The following PLPP1 variants were observed in gnomAD, a reference collection of about 807,000 sequenced individuals.
PLPP1 encodes lipid phosphate phosphohydrolase 1a.
PLPP1 carries 24 observed loss-of-function variants against 31.2 expected under a neutral mutation model. The ratio of observed to expected loss-of-function variants is 0.77; its 90% CI spans 0.56 to 1.08. The LOEUF is 1.08. PLPP1 is among the 50% of genes least tolerant of loss of function. PLPP1 has a pLI of 0.00. For missense variants in PLPP1, 319 were observed against 342.7 expected, an observed-to-expected ratio of 0.93 and a Z score of 0.55; for synonymous variants, 146 against 126.3, an observed-to-expected ratio of 1.16 and a Z score of -1.05.
chr5:55,506,583 C>T (rs1753284154), intron 1 of PLPP1, among the ~76,000 whole-genome samples: 1 of 152,132 alleles, frequency 6.6e-6, no homozygotes, highest in Non-Finnish European at 1.5e-5. Context: ...GTTGAAACCT[C>T]AGCAAAATGT....
At chr5:55,463,626 G>A (rs1169001015) in intron 3 of PLPP1, among the ~76,000 whole-genome samples, 1 of 151,566 alleles carries the variant, frequency 6.6e-6, no homozygotes, top group Non-Finnish European at 1.5e-5. Flanking sequence ...ACAGAGTGAG[G>A]CTCTGTCTCA....
At chr5:55,482,594 G>A (rs1043514460) in intron 1 of PLPP1, among the ~76,000 whole-genome samples, 1 of 152,062 alleles carries the variant, frequency 6.6e-6, no homozygotes, top group African/African-American at 2.4e-5. Flanking sequence ...GAAAACAAGG[G>A]AGAAATGACA....
At chr5:55,475,636 A>T (rs1212484549) in intron 1 of PLPP1, among the ~76,000 whole-genome samples, 186 bp from the exon 2 acceptor site, 1 of 152,266 alleles carries the variant, frequency 6.6e-6, no homozygotes, top group Non-Finnish European at 1.5e-5. Context: ...TTTAAGATAA[A>T]GATGTTTTGT....
intron 3 of PLPP1, among the ~76,000 whole-genome samples, chr5:55,458,913 A>AAAC (rs1752086574): frequency 6.7e-6 from 1 of 149,694 alleles, no homozygotes; most frequent in African/African-American, 2.5e-5. Flanking sequence ...AAAAAAAAAA[A>AAAC]AAACACATAG....
intron 1 of PLPP1, among the ~76,000 whole-genome samples, chr5:55,505,441 C>T (rs148714402): frequency 7.4e-5 from 7 of 94,424 alleles, no homozygotes; most frequent in African/African-American, 2.1e-4. Flanking sequence ...CACATCTATA[C>T]ACACGCAAAA....
At chr5:55,428,120 T>C (rs1377985813) in intron 4 of PLPP1, among the ~76,000 whole-genome samples, 1 of 152,196 alleles carries the variant, frequency 6.6e-6, no homozygotes, top group Non-Finnish European at 1.5e-5. Context: ...TCTTTCCCCC[T>C]ATAAATAGCT....
intron 2 of PLPP1, among the ~76,000 whole-genome samples, chr5:55,473,142 TAAAA>T (rs534814381): frequency 6.6e-6 from 1 of 152,154 alleles, no homozygotes; most frequent in Non-Finnish European, 1.5e-5. Context: ...ACATACTTTT[TAAAA>T]AAAGACCCTA....
intron 1 of PLPP1, among the ~76,000 whole-genome samples, chr5:55,490,485 A>G (rs1249159753): frequency 2.6e-5 from 4 of 151,876 alleles, no homozygotes; most frequent in African/African-American, 4.8e-5. Context: ...TGATAATTTT[A>G]TTTTGCACAT....
At chr5:55,436,870 C>A (rs960617127) in intron 4 of PLPP1, among the ~76,000 whole-genome samples, 7 of 152,152 alleles carry the variant, frequency 4.6e-5, no homozygotes, top group Admixed American at 3.9e-4. Flanking sequence ...ATACTGAATG[C>A]CTAACCCCCA....
chr5:55,438,372 C>T (rs1014078116), intron 4 of PLPP1, among the ~76,000 whole-genome samples: 2 of 152,176 alleles, frequency 1.3e-5, no homozygotes, highest in African/African-American at 4.8e-5. Flanking sequence ...CAGGGCTGCA[C>T]TGGCTGCCAG....
At chr5:55,534,360 T>G (rs2292281) in intron 1 of PLPP1, among the ~76,000 whole-genome samples, 134,219 of 152,200 alleles carry the variant, frequency 0.88, 59,310 homozygotes, top group South Asian at 0.92. Context: ...GCTGGGCTCA[T>G]CGCACCGGCG....
At position 55,526,314 on chromosome 5, in the gene PLPP1, A is replaced by T. The variant is rs138228671; in HGVS notation, c.58+8258T>A. 2.2e-3 allele frequency among the ~76,000 whole-genome samples: 338 copies of T among 152,308 alleles called. 5 individuals are homozygous for T. The highest frequency in any genetic ancestry group is 2.5e-3 in the South Asian group (12 of 4,828). ...TACATTTCATAAAATCTATAAGGGG[A>T]ACGTTTTCTGAACATTTCTATATTT... is the stretch of plus-strand genomic sequence containing the variant. On this transcript the variant is annotated intron_variant, in intron 1 of 5. Transcript: ENST00000307259.
At chr5:55,440,598 T>C (rs1224510789) in intron 4 of PLPP1, among the ~76,000 whole-genome samples, 1 of 151,552 alleles carries the variant, frequency 6.6e-6, no homozygotes, top group South Asian at 2.1e-4. Context: ...TCATACTCTG[T>C]GCTTCTTCAC....
intron 4 of PLPP1, among the ~76,000 whole-genome samples, chr5:55,429,338 T>C (rs191970678): frequency 2.0e-5 from 3 of 151,836 alleles, no homozygotes; most frequent in Admixed American, 2.0e-4. Flanking sequence ...TTTGAATAGA[T>C]CACCTAAGAG....
chr5:55,528,714 T>G (rs1486856693), intron 1 of PLPP1, among the ~76,000 whole-genome samples: 1 of 152,216 alleles, frequency 6.6e-6, no homozygotes. Context: ...AAATGTTCAG[T>G]GTAGAACAAA....
intron 1 of PLPP1, among the ~76,000 whole-genome samples, chr5:55,496,232 C>A (rs960909431): frequency 2.0e-5 from 3 of 152,162 alleles, no homozygotes; most frequent in African/African-American, 7.2e-5. Flanking sequence ...TAGGAAGACT[C>A]TTCTCCTTAT....
intron 4 of PLPP1, among the ~76,000 whole-genome samples, chr5:55,432,746 C>A (rs1751388764): frequency 6.6e-6 from 1 of 151,546 alleles, no homozygotes; most frequent in Non-Finnish European, 1.5e-5. Context: ...TGTGACACAT[C>A]ACATTCAAAT....
At chr5:55,530,939 G>GC (rs1740643827) in intron 1 of PLPP1, among the ~76,000 whole-genome samples, 2 of 151,566 alleles carry the variant, frequency 1.3e-5, no homozygotes, top group Non-Finnish European at 2.9e-5. Flanking sequence ...CATGGTGACA[G>GC]CGGCAGCGGC....
intron 1 of PLPP1, among the ~76,000 whole-genome samples, chr5:55,529,081 T>C (rs909276985): frequency 2.6e-5 from 4 of 152,038 alleles, no homozygotes; most frequent in African/African-American, 9.7e-5. Flanking sequence ...TAAGGTGTAA[T>C]AGCAGCCAAC....
Sources: gnomAD v4.1 joint callset for allele counts (sites outside exome capture counted in the v4.1 genomes callset) on GRCh38, gnomAD v4.1.1 for gene constraint, MANE v1.5 for transcripts, NCBI Gene and HGNC (gene_info 2026-07-23, HGNC 2026-07-21) for gene names.